The following LAMC2 variants were observed in gnomAD, a reference collection of about 807,000 sequenced individuals.
LAMC2 encodes the protein laminin subunit gamma-2.
In LAMC2, 97 loss-of-function variants were observed where a neutral mutation model predicts 140.2. The observed-to-expected ratio is 0.69, with a 90% CI of 0.59 to 0.82. The LOEUF (loss-of-function observed/expected upper bound fraction) is 0.82. Ranked by LOEUF, LAMC2 falls within the 40% of genes least tolerant of loss-of-function variation. The probability of loss-of-function intolerance (pLI) is 0.00; values close to 1 mark genes in which losing one functional copy is unlikely to be tolerated. For synonymous variants in LAMC2, 513 were observed against 540.2 expected, an observed-to-expected ratio of 0.95 and a Z score of 0.70; for missense variants, 1,402 against 1,476.1, an observed-to-expected ratio of 0.95 and a Z score of 0.82.
At chr1:183,210,415 C>A (rs892038625) in intron 2 of LAMC2, among the ~76,000 whole-genome samples, 1 of 152,098 alleles carries the variant, frequency 6.6e-6, no homozygotes, top group Non-Finnish European at 1.5e-5. Context: ...AAGCACATGG[C>A]GGGCAACTCA....
downstream of LAMC2, among the ~76,000 whole-genome samples, chr1:183,246,831 T>C (rs757708359): frequency 1.3e-5 from 2 of 152,232 alleles, no homozygotes; most frequent in Non-Finnish European, 2.9e-5. Context: ...CTGGAGAACA[T>C]AGATTAGAAT....
At chr1:183,245,842 A>G (rs977529328), downstream of LAMC2, among the ~76,000 whole-genome samples, 1 of 152,210 alleles carries the variant, frequency 6.6e-6, no homozygotes, top group Non-Finnish European at 1.5e-5. Flanking sequence ...ATGTGTAATC[A>G]TATAAGGATT....
the LAMC2 span, among the ~76,000 whole-genome samples, chr1:183,255,463 T>C: frequency 7.9e-5 from 12 of 152,178 alleles, no homozygotes; most frequent in Admixed American, 7.9e-4. Flanking sequence ...AATGCTGCCA[T>C]TGGGATTTTG....
At chr1:183,209,729 C>T (rs1246291441) in intron 2 of LAMC2, among the ~76,000 whole-genome samples, 3 of 152,172 alleles carry the variant, frequency 2.0e-5, no homozygotes, top group East Asian at 1.9e-4. Context: ...ATTTAATTGG[C>T]TCAGCTTGAA....
At chr1:183,192,951 C>T (rs1487036475) in intron 1 of LAMC2, among the ~76,000 whole-genome samples, 3 of 152,142 alleles carry the variant, frequency 2.0e-5, no homozygotes, top group East Asian at 1.9e-4. Flanking sequence ...GTGATCTGCC[C>T]GCCTCGGCCT....
Position 183,227,010 on chromosome 1 carries a change from G to A in LAMC2, c.1285+94G>A. 4.0e-6 allele frequency: 4 copies of A among 1,001,668 alleles called. No homozygotes were observed. The South Asian group carries it at 5.7e-5, about 14-fold the overall frequency. 62.0% of individuals were successfully genotyped at this position (1,001,668 alleles called of 1,614,324 possible). A position where few individuals can be genotyped will look rare whatever the true frequency, so the allele number is the denominator to read the frequency against. Reference sequence around the variant, plus strand: ...GACCATGGCTGAACTCACATCAGAGGTGGGAAAGGATTAAGGAGAGCAGAG... The same window carrying A: ...GACCATGGCTGAACTCACATCAGAGATGGGAAAGGATTAAGGAGAGCAGAG... On this transcript the variant is annotated intron_variant, in intron 9 of 22. Transcript: ENST00000264144.
chr1:183,225,493 T>A, intron 7 of LAMC2, 115 bp from the exon 8 acceptor site: 1 of 782,422 alleles, frequency 1.3e-6, no homozygotes, highest in Non-Finnish European at 2.3e-6. Flanking sequence ...TATGCCCCCT[T>A]CTAAGCAGGA....
Position 183,237,481 on chromosome 1 carries a change from C to G in LAMC2, c.2731C>G (p.Gln911Glu). The G allele has an allele frequency of 6.2e-7, 1 of 1,614,044 alleles. No individual in the cohort carries two copies. Among genetic ancestry groups the G allele is most frequent in the Non-Finnish European group, 8.5e-7 (1 of 1,179,934 alleles). ...NWKEEAQQLL[Q>E]NGKSGREKSD... is the part of the protein sequence containing the mutation. ...GAAAGAAGAAGCACAGCAGCTCTTA[C>G]AGAATGGAAAAAGTGGGAGAGAGGT... is the stretch of plus-strand genomic sequence containing the variant. Residue 911 changes from glutamine (Q) to glutamate (E), a missense_variant, in exon 18 of 23, where the codon CAG becomes GAG. Physicochemically the swap from Gln to Glu is conservative, Grantham distance 29. Transcript: ENST00000264144.
intron 1 of LAMC2, among the ~76,000 whole-genome samples, chr1:183,206,651 CAAAAAAAA>C (rs34536054): frequency 1.6e-5 from 2 of 125,996 alleles, no homozygotes; most frequent in Non-Finnish European, 3.3e-5. Context: ...GACTTGGTCT[CAAAAAAAA>C]AAAAAAAAAG....
chr1:183,241,259 A>G (rs1266366185), intron 22 of LAMC2: 9 of 970,522 alleles, frequency 9.3e-6, no homozygotes, highest in Non-Finnish European at 9.8e-6. Flanking sequence ...AAAAAAAAAA[A>G]AAGGAAAAAT....
In LAMC2 at chr1:183,220,818, A is replaced by G. The variant is rs1434830806; in HGVS notation, c.504-7A>G. The G allele has an allele frequency of 1.2e-6, 2 of 1,613,416 alleles. No individual in the cohort carries two copies. Among genetic ancestry groups the G allele is most frequent in the Non-Finnish European group, 1.7e-6 (2 of 1,179,322 alleles). On this transcript the variant is annotated splice_region_variant and splice_polypyrimidine_tract_variant and intron_variant, in intron 4 of 22. Coordinates refer to ENST00000264144, the MANE Select transcript of LAMC2 (RefSeq NM_005562.3). Reference sequence around the variant, plus strand: ...ATAATATCCTGATTTCTACAATGCCACTGCAGGTGTCGATCAGGTTACTAT... The same window carrying G: ...ATAATATCCTGATTTCTACAATGCCGCTGCAGGTGTCGATCAGGTTACTAT...
rs148764658 is a variant in LAMC2 at position 183,241,653 on chromosome 1, C to A, written c.3328+1262C>A. The stretch of plus-strand genomic sequence containing the variant: ...CCAGTTCAGTAGAACAACTTCGAAA[C>A]TGGATTTTTCTGTAGGGTGTCATCA... On this transcript the variant is annotated intron_variant, in intron 22 of 22. Coordinates refer to ENST00000264144, the MANE Select transcript of LAMC2 (RefSeq NM_005562.3). 2.5e-3 allele frequency among the ~76,000 whole-genome samples: 382 copies of A among 152,162 alleles called. 5 individuals are homozygous for A. The highest frequency in any genetic ancestry group is 8.4e-3 in the Admixed American group (128 of 15,278).
chr1:183,203,884 G>T (rs1323795918), intron 1 of LAMC2, among the ~76,000 whole-genome samples: 1 of 152,174 alleles, frequency 6.6e-6, no homozygotes, highest in Non-Finnish European at 1.5e-5. Flanking sequence ...GAAAGGAAAG[G>T]GGTATGTTTG....
At chr1:183,257,456 G>T in the LAMC2 span, among the ~76,000 whole-genome samples, 14 of 152,182 alleles carry the variant, frequency 9.2e-5, no homozygotes, top group Admixed American at 2.6e-4. Flanking sequence ...AGAAGTATTG[G>T]TATTAATTAT....
chr1:183,244,104 G>A lies in LAMC2; in HGVS notation c.*704G>A, dbSNP rs1660193427. 6.6e-6 allele frequency: 1 copy of A among 152,234 alleles called. No individual in the cohort carries two copies. The highest frequency in any genetic ancestry group is 6.5e-5 in the Admixed American group (1 of 15,278). 9.4% of individuals were successfully genotyped at this position (152,234 alleles called of 1,614,324 possible). Reference sequence around the variant, plus strand: ...TTTAATGATGCCATGGCAACTTAGAGATTGCATTTTTATTAAAGCATTTCC... The same window carrying A: ...TTTAATGATGCCATGGCAACTTAGAAATTGCATTTTTATTAAAGCATTTCC... On this transcript the variant is annotated 3_prime_UTR_variant, in exon 23 of 23. Coordinates refer to ENST00000264144, the MANE Select transcript of LAMC2 (RefSeq NM_005562.3).
At chr1:183,227,330 A>G (rs572064411) in intron 9 of LAMC2, among the ~76,000 whole-genome samples, 185 bp from the exon 10 acceptor site, 1 of 152,210 alleles carries the variant, frequency 6.6e-6, no homozygotes, top group African/African-American at 2.4e-5. Flanking sequence ...AGTGAGGGTG[A>G]GATTCAGGGT....
the LAMC2 span, among the ~76,000 whole-genome samples, chr1:183,253,980 T>C: frequency 4.0e-5 from 6 of 151,666 alleles, no homozygotes; most frequent in Admixed American, 3.9e-4. Context: ...CTTTATCTAT[T>C]CATCCATTGA....
chr1:183,186,721 G>T (rs1254727740), intron 1 of LAMC2, among the ~76,000 whole-genome samples: 1 of 152,112 alleles, frequency 6.6e-6, no homozygotes, highest in Non-Finnish European at 1.5e-5. Context: ...CCAAGGGGCC[G>T]CTATTTAATC....
At chr1:183,239,899 A>C in intron 20 of LAMC2, 141 bp from the exon 21 acceptor site, 2 of 959,912 alleles carry the variant, frequency 2.1e-6, no homozygotes, top group Non-Finnish European at 3.3e-6. Flanking sequence ...CCCTGTCCCT[A>C]AGTCTGATTC....
Sources: allele counts gnomAD v4.1 joint callset (sites outside exome capture counted in the v4.1 genomes callset), GRCh38; gene constraint gnomAD v4.1.1; transcripts MANE v1.5; gene names NCBI Gene and HGNC (gene_info 2026-07-23, HGNC 2026-07-21).